The following UBE2B variants were observed in gnomAD, a reference collection of about 807,000 sequenced individuals.
The protein encoded by UBE2B is ubiquitin-conjugating enzyme E2 B.
A neutral mutation model predicts 24.6 loss-of-function variants in UBE2B; 11 were observed. The ratio of observed to expected loss-of-function variants is 0.45; its 90% CI spans 0.28 to 0.74. The LOEUF is 0.74. Among genes scored for constraint, UBE2B ranks in the 30% least tolerant of loss-of-function variants. UBE2B has a pLI of 0.13. For missense variants in UBE2B, 78 were observed against 185.6 expected, an observed-to-expected ratio of 0.42 and a Z score of 3.37; for synonymous variants, 68 against 62.4, an observed-to-expected ratio of 1.09 and a Z score of -0.42.
intron 4 of UBE2B, among the ~76,000 whole-genome samples, chr5:134,382,539 T>C (rs942937663): frequency 1.2e-4 from 18 of 152,070 alleles, no homozygotes; most frequent in African/African-American, 4.3e-4. Context: ...TTTGGAAGGC[T>C]GAGGAGGGTG....
rs70976528 is a variant in UBE2B, at chr5:134,376,364, T to TATATACAC, written c.126-304_126-303insTATACACA. ...AAAAAAAAAAATATATATATATATA[T>TATATACAC]ACACATATGTACAAAATGACTGGTC... is the stretch of plus-strand genomic sequence containing the variant. On this transcript the variant is annotated intron_variant, in intron 2 of 5. Coordinates refer to ENST00000265339, the MANE Select transcript of UBE2B (RefSeq NM_003337.4). 1.6e-4 allele frequency among the ~76,000 whole-genome samples: 13 copies of TATATACAC among 79,502 alleles called. 2 individuals are homozygous for TATATACAC. The highest frequency in any genetic ancestry group is 6.2e-4 in the African/African-American group (12 of 19,432). 52.2% of individuals were successfully genotyped at this position (79,502 alleles called of 152,430 possible).
At chr5:134,372,558 T>C (rs2149689023) in intron 1 of UBE2B, among the ~76,000 whole-genome samples, 1 of 152,336 alleles carries the variant, frequency 6.6e-6, no homozygotes, top group Middle Eastern at 3.4e-3. Flanking sequence ...CCTGCCCTAA[T>C]TGAACAAAAT....
intron 2 of UBE2B, among the ~76,000 whole-genome samples, chr5:134,376,348 A>ATATATATATAT (rs1467666613): frequency 2.1e-4 from 1 of 4,774 alleles, no homozygotes; most frequent in African/African-American, 4.4e-4. Flanking sequence ...AAAAAAAAAA[A>ATATATATATAT]ATATATATAT....
chr5:134,376,317 C>T (rs1277097707), intron 2 of UBE2B, among the ~76,000 whole-genome samples: 6 of 10,238 alleles, frequency 5.9e-4, no homozygotes, highest in South Asian at 4.2e-3. Context: ...AGCAAAACTC[C>T]GTCTCAAAAA....
chr5:134,378,284 T>C (rs984246095), intron 3 of UBE2B, among the ~76,000 whole-genome samples: 3 of 152,122 alleles, frequency 2.0e-5, no homozygotes, highest in African/African-American at 7.2e-5. Context: ...TTTTTGTTTT[T>C]TGTCTCGCTC....
rs1338048093 is a variant in UBE2B, at chr5:134,390,079, GTATT to G, written c.331-143_331-140del. On this transcript the variant is annotated intron_variant, in intron 5 of 5. Transcript: ENST00000265339. This position sits in a 1 kb window ranked among gnomAD's most constrained non-coding sequence, Gnocchi z 4.6. The stretch of plus-strand genomic sequence containing the variant: ...AGTATTTATCAAATCATTTCTAAAA[GTATT>G]TAGACCCAAAATTATATGACATGTT... The G allele has an allele frequency of 1.1e-6, 1 of 939,836 alleles. No individual in the cohort carries two copies. Among genetic ancestry groups the G allele is most frequent in the East Asian group, 2.7e-5 (1 of 37,444 alleles). The allele number at this position is 939,836 out of a possible 1,614,324, so 58.2% of individuals were successfully genotyped here. A position where few individuals can be genotyped will look rare whatever the true frequency, so the allele number is the denominator to read the frequency against.
chr5:134,387,436 TGAA>T (rs887283250), intron 4 of UBE2B, among the ~76,000 whole-genome samples: 1 of 152,248 alleles, frequency 6.6e-6, no homozygotes, highest in African/African-American at 2.4e-5. Context: ...TGATGTGTGT[TGAA>T]GAAATTTAAC....
At chr5:134,378,420 C>T (rs936802646) in intron 3 of UBE2B, among the ~76,000 whole-genome samples, 1 of 151,990 alleles carries the variant, frequency 6.6e-6, no homozygotes, top group Non-Finnish European at 1.5e-5. Context: ...CTACCATGCC[C>T]GGCTAATTTT....
intron 2 of UBE2B, 99 bp from the exon 3 acceptor site, chr5:134,376,570 G>T: frequency 1.6e-6 from 2 of 1,274,122 alleles, no homozygotes; most frequent in Non-Finnish European, 2.3e-6. Context: ...ATCAGAATGA[G>T]TCCCTCTTTT....
intron 4 of UBE2B, among the ~76,000 whole-genome samples, chr5:134,386,195 G>A (rs1443656358): frequency 1.4e-5 from 2 of 138,058 alleles, no homozygotes; most frequent in African/African-American, 2.7e-5. Context: ...GGTCGTGGTT[G>A]TACATGCCTG....
Position 134,376,672 on chromosome 5 carries a change from A to G in UBE2B, c.129A>G (p.Pro43=), listed in dbSNP as rs746201151. The stretch of plus-strand genomic sequence containing the variant: ...TCAGAAATCTTCTTGTTTTCAGACC[A>G]GAAGGGACACCTTTTGAAGATGGTA... The part of the protein sequence containing the change: ...IMQWNAVIFG[P]EGTPFEDGTF... The change falls in exon 3 of 6, where the codon CCA becomes CCG. Residue 43 remains proline (P), a synonymous_variant. Transcript: ENST00000265339. 17 of 1,611,958 alleles carry G rather than the reference A, an allele frequency of 1.1e-5. No homozygotes were observed. The East Asian group carries it at 2.5e-4, about 23-fold the overall frequency.
chr5:134,378,574 C>T (rs1758649126), intron 3 of UBE2B, among the ~76,000 whole-genome samples: 1 of 152,094 alleles, frequency 6.6e-6, no homozygotes, highest in African/African-American at 2.4e-5. Flanking sequence ...TTTTAATATT[C>T]TGTATGATAT....
rs1027263590 is a variant in UBE2B at position 134,390,752 on chromosome 5, G to A, written c.*399G>A. 3.8e-5 allele frequency: 9 copies of A among 234,448 alleles called. No individual in the cohort carries two copies. Among genetic ancestry groups the A allele is most frequent in the Non-Finnish European group, 7.6e-5 (9 of 117,864 alleles). The allele number at this position is 234,448 out of a possible 1,614,324, so 14.5% of individuals were successfully genotyped here. On this transcript the variant is annotated 3_prime_UTR_variant, in exon 6 of 6. Coordinates refer to ENST00000265339, the MANE Select transcript of UBE2B (RefSeq NM_003337.4). The surrounding 1 kb of genome is among the most constrained non-coding windows in gnomAD (Gnocchi z 4.6). ...TTTATATATGAATATTACATGTAAA[G>A]CTGTTAAAATACATAACTTCAGTGC...
chr5:134,386,998 C>T (rs1299672905), intron 4 of UBE2B, among the ~76,000 whole-genome samples: 8 of 149,016 alleles, frequency 5.4e-5, no homozygotes, highest in East Asian at 2.0e-4. Flanking sequence ...CTCGCTCTGT[C>T]GCCCAGGCTG....
Position 134,390,205 on chromosome 5 carries a change from T to C in UBE2B, c.331-20T>C, listed in dbSNP as rs745862939. 24 of 1,613,672 alleles carry C rather than the reference T, an allele frequency of 1.5e-5. No homozygotes were observed. Among genetic ancestry groups the C allele is most frequent in the Non-Finnish European group, 2.0e-5 (24 of 1,179,858 alleles). On this transcript the variant is annotated intron_variant, in intron 5 of 5. Coordinates refer to ENST00000265339, the MANE Select transcript of UBE2B (RefSeq NM_003337.4). This position sits in a 1 kb window ranked among gnomAD's most constrained non-coding sequence, Gnocchi z 4.6. ...AAAGAACAACTATGCAAATCTGTTT[T>C]TTCTTTTCTTTCCTCCTAGTCTCTG...
At chr5:134,372,476 C>T (rs1159772752) in intron 1 of UBE2B, among the ~76,000 whole-genome samples, 1 of 152,136 alleles carries the variant, frequency 6.6e-6, no homozygotes, top group Admixed American at 6.5e-5. Context: ...TACTTAGAGA[C>T]ATAGAAAAAA....
intron 3 of UBE2B, among the ~76,000 whole-genome samples, chr5:134,379,331 C>G (rs540614269): frequency 6.4e-4 from 97 of 152,246 alleles, no homozygotes; most frequent in African/African-American, 2.3e-3. Flanking sequence ...TAGCTACAGT[C>G]ACCTGAAAAA....
chr5:134,376,525 G>A (rs2149690704), intron 2 of UBE2B, 144 bp from the exon 3 acceptor site: 1 of 755,238 alleles, frequency 1.3e-6, no homozygotes, highest in Non-Finnish European at 2.2e-6. Context: ...CAGGGCTAAG[G>A]TGTTACTAAA....
intron 3 of UBE2B, among the ~76,000 whole-genome samples, chr5:134,380,352 A>G (rs1470367007): frequency 6.6e-6 from 1 of 152,188 alleles, no homozygotes; most frequent in Non-Finnish European, 1.5e-5. Context: ...GTCCTTTGCC[A>G]TGTGGTAGTC....
Sources: allele counts gnomAD v4.1 joint callset (sites outside exome capture counted in the v4.1 genomes callset), GRCh38; gene constraint gnomAD v4.1.1; non-coding constraint Gnocchi (gnomAD v3.1); transcripts MANE v1.5; gene names NCBI Gene and HGNC (gene_info 2026-07-23, HGNC 2026-07-21).